The following EGFLAM variants were observed in gnomAD, a reference collection of about 807,000 sequenced individuals.
EGFLAM encodes the protein pikachurin.
A neutral mutation model predicts 113.1 loss-of-function variants in EGFLAM; 79 were observed. The ratio of observed to expected loss-of-function variants is 0.70; its 90% CI spans 0.58 to 0.84. The LOEUF is 0.84. Among genes scored for constraint, EGFLAM ranks in the 40% least tolerant of loss-of-function variants. The probability of loss-of-function intolerance (pLI) is 0.00; values close to 1 mark genes in which losing one functional copy is unlikely to be tolerated. For synonymous variants in EGFLAM, 504 were observed against 487.6 expected (o/e 1.03, Z -0.44); for missense variants, 1,265 against 1,291.6 (o/e 0.98, Z 0.32).
At chr5:38,390,331 C>T (rs542735170) in intron 6 of EGFLAM, among the ~76,000 whole-genome samples, 3 of 152,220 alleles carry the variant, frequency 2.0e-5, no homozygotes, top group Admixed American at 6.5e-5. Context: ...CTTTTATGCA[C>T]GTTGAATTAT....
chr5:38,268,132 T>C (rs1241605862), intron 1 of EGFLAM, among the ~76,000 whole-genome samples: 1 of 152,178 alleles, frequency 6.6e-6, no homozygotes, highest in Non-Finnish European at 1.5e-5. Flanking sequence ...GATGTATCTC[T>C]CTCAGCAGAT....
chr5:38,315,425 C>G (rs889405817), intron 1 of EGFLAM, among the ~76,000 whole-genome samples: 2 of 152,232 alleles, frequency 1.3e-5, no homozygotes, highest in Non-Finnish European at 2.9e-5. Context: ...TGTCCCTTCA[C>G]AAGCTATACC....
At position 38,269,076 on chromosome 5, in the gene EGFLAM, G is replaced by A. The variant is rs542859894; in HGVS notation, c.97+10225G>A. On this transcript the variant is annotated intron_variant, in intron 1 of 21. Coordinates refer to ENST00000322350, the MANE Select transcript of EGFLAM (RefSeq NM_152403.4). ...CACTTACAGTCCCAGCTACTCAGGA[G>A]GCTGAGGTGGGAGGATCACCTGAGC... Among the ~76,000 whole-genome samples, 8 of 152,244 alleles carry A rather than the reference G, an allele frequency of 5.3e-5. No individual in the cohort carries two copies. The South Asian group carries it at 6.2e-4, about 12-fold the overall frequency.
chr5:38,264,457 C>T (rs1757582353), intron 1 of EGFLAM, among the ~76,000 whole-genome samples: 1 of 152,136 alleles, frequency 6.6e-6, no homozygotes, highest in South Asian at 2.1e-4. Context: ...AGCTTGTGGG[C>T]AATACATCTT....
chr5:38,289,831 CACGGTAGTCTCCTCAAAGCACTCCATT>C (rs1464383164), intron 1 of EGFLAM, among the ~76,000 whole-genome samples: 1 of 152,162 alleles, frequency 6.6e-6, no homozygotes, highest in African/African-American at 2.4e-5. Context: ...TAAGGAAGGC[CACGGTAGTCTCCTCAAAGCACTCCATT>C]ACTTAAAGTC....
intron 11 of EGFLAM, among the ~76,000 whole-genome samples, chr5:38,415,582 G>A (rs916234789): frequency 2.6e-5 from 4 of 152,146 alleles, no homozygotes; most frequent in Non-Finnish European, 5.9e-5. Flanking sequence ...GCTGAGGAGG[G>A]AGGATCACTT....
intron 18 of EGFLAM, among the ~76,000 whole-genome samples, chr5:38,451,005 C>T (rs1742895552): frequency 6.6e-6 from 1 of 152,118 alleles, no homozygotes; most frequent in South Asian, 2.1e-4. Flanking sequence ...AGTAGTAAAA[C>T]AGGAAAGAGA....
rs186038207 is a variant in EGFLAM, at chr5:38,278,551, C to T, written c.97+19700C>T. 3.1e-3 allele frequency among the ~76,000 whole-genome samples: 476 copies of T among 151,208 alleles called. 3 individuals carry two copies. The highest frequency in any genetic ancestry group is 0.01 in the Middle Eastern group (3 of 292). ...TCACTCAGGCTGGAGTGCAGTGGCA[C>T]GAATTCAGCTCACTGCAACCTCCGC... On this transcript the variant is annotated intron_variant, in intron 1 of 21. Coordinates refer to ENST00000322350, the MANE Select transcript of EGFLAM (RefSeq NM_152403.4).
At position 38,427,125 on chromosome 5, in the gene EGFLAM, C is replaced by T. The variant is rs376172633; in HGVS notation, c.1927C>T (p.Pro643Ser). 22 of 1,614,088 alleles carry T rather than the reference C, an allele frequency of 1.4e-5. No homozygotes were observed. Among genetic ancestry groups the T allele is most frequent in the Non-Finnish European group, 1.9e-5 (22 of 1,180,020 alleles). ...SFMEFEITFRPDSGDGVLLYS... is the reference protein window; with the variant it reads ...SFMEFEITFRSDSGDGVLLYS... ...CATGGAATTTGAGATCACATTTCGG[C>T]CAGACTCAGGAGATGGTGTCCTCCT... Residue 643 changes from proline (P) to serine (S), a missense_variant, in exon 14 of 22, where the codon CCA becomes TCA. Coordinates refer to ENST00000322350, the MANE Select transcript of EGFLAM (RefSeq NM_152403.4).
chr5:38,411,301 G>A (rs544685767), intron 10 of EGFLAM, among the ~76,000 whole-genome samples: 93 of 151,816 alleles, frequency 6.1e-4, no homozygotes, highest in Non-Finnish European at 1.1e-3. Flanking sequence ...GGTGGCATGC[G>A]CCTGTAGTCC....
Position 38,313,980 on chromosome 5 carries a change from A to G in EGFLAM, c.98-23540A>G, listed in dbSNP as rs141125110. Among the ~76,000 whole-genome samples, 156 of 152,312 alleles carry G rather than the reference A, an allele frequency of 1.0e-3. 1 individual carries two copies. The highest frequency in any genetic ancestry group is 3.6e-3 in the African/African-American group (149 of 41,574). On this transcript the variant is annotated intron_variant, in intron 1 of 21. Coordinates refer to ENST00000322350, the MANE Select transcript of EGFLAM (RefSeq NM_152403.4). ...TTGGTTGTTGTTTCGACAGAAAGAA[A>G]CGTTTTAAAAAAATGTGTTGTATAA...
intron 1 of EGFLAM, among the ~76,000 whole-genome samples, chr5:38,279,710 C>G (rs1757969375): frequency 6.6e-6 from 1 of 151,982 alleles, no homozygotes; most frequent in Non-Finnish European, 1.5e-5. Context: ...TAACCAGAGG[C>G]TGGGTGGTTA....
At chr5:38,404,355 G>C (rs1302603250) in intron 6 of EGFLAM, among the ~76,000 whole-genome samples, 1 of 152,178 alleles carries the variant, frequency 6.6e-6, no homozygotes, top group Non-Finnish European at 1.5e-5. Flanking sequence ...GGCCCAAAGG[G>C]GCTGGTTTGC....
At chr5:38,463,766 AC>A in intron 21 of EGFLAM, 65 bp from the exon 22 acceptor site, 1 of 1,587,868 alleles carries the variant, frequency 6.3e-7, no homozygotes, top group Non-Finnish European at 8.6e-7. Context: ...CCAAACTGGA[AC>A]CCCGACCTTG....
rs374459324 is a variant in EGFLAM at position 38,386,012 on chromosome 5, TG to T, written c.712+15552del. On this transcript the variant is annotated intron_variant, in intron 6 of 21. Coordinates refer to ENST00000322350, the MANE Select transcript of EGFLAM (RefSeq NM_152403.4). ...GAATACCACAAGCAAATGTAAGCAG[TG>T]GTAAGTGTTTGTACAATTACACATG... is the stretch of plus-strand genomic sequence containing the variant. Among the ~76,000 whole-genome samples, 156 of 152,304 alleles carry T rather than the reference TG, an allele frequency of 1.0e-3. 5 individuals carry two copies. In the South Asian group the frequency reaches 0.031, roughly 31 times the overall value.
At chr5:38,304,700 A>G (rs1281202282) in intron 1 of EGFLAM, among the ~76,000 whole-genome samples, 2 of 152,254 alleles carry the variant, frequency 1.3e-5, no homozygotes, top group Non-Finnish European at 2.9e-5. Context: ...ATATGAGCAG[A>G]TAATCAAGGA....
intron 7 of EGFLAM, among the ~76,000 whole-genome samples, chr5:38,406,510 A>G (rs185716684): frequency 2.8e-4 from 43 of 152,352 alleles, no homozygotes; most frequent in East Asian, 1.2e-3. Flanking sequence ...ACCAAGGGAA[A>G]TTTCAGAAAA....
At position 38,403,553 on chromosome 5, in the gene EGFLAM, G is replaced by T; in HGVS notation, c.713-2573G>T. On this transcript the variant is annotated intron_variant, in intron 6 of 21. Coordinates refer to ENST00000322350, the MANE Select transcript of EGFLAM (RefSeq NM_152403.4). ...TGACAGTGAATCTGACAACTGAGAC[G>T]GCTGCAGACCATGGGGCAGGGAGCA... 1.6e-5 allele frequency: 5 copies of T among 314,222 alleles called. No individual in the cohort carries two copies. In the South Asian group the frequency reaches 1.7e-4, roughly 11 times the overall value. The allele number at this position is 314,222 out of a possible 1,614,324, so 19.5% of individuals were successfully genotyped here. A position where few individuals can be genotyped will look rare whatever the true frequency, so the allele number is the denominator to read the frequency against.
intron 10 of EGFLAM, among the ~76,000 whole-genome samples, chr5:38,410,470 T>C (rs1384960413): frequency 6.6e-6 from 1 of 152,294 alleles, no homozygotes; most frequent in Middle Eastern, 3.4e-3. Context: ...CTTGACTGCA[T>C]CTCACTTCAC....
Sources: allele counts gnomAD v4.1 joint callset (sites outside exome capture counted in the v4.1 genomes callset), GRCh38; gene constraint gnomAD v4.1.1; transcripts MANE v1.5; gene names NCBI Gene and HGNC (gene_info 2026-07-23, HGNC 2026-07-21).